The following DPYD variants were observed in gnomAD, a reference collection of about 807,000 sequenced individuals.
The protein encoded by DPYD is dihydropyrimidine dehydrogenase [NADP(+)].
Under a neutral mutation model 116.2 loss-of-function variants are expected in DPYD, and 109 were observed. The observed-to-expected ratio is 0.94, with a 90% CI of 0.80 to 1.10. The LOEUF is 1.10. Ranked by LOEUF, DPYD falls within the 50% of genes least tolerant of loss-of-function variation. DPYD has a pLI of 0.00. For missense variants in DPYD, 1,302 were observed against 1,254.5 expected, an observed-to-expected ratio of 1.04 and a Z score of -0.57; for synonymous variants, 440 against 432.0, an observed-to-expected ratio of 1.02 and a Z score of -0.23.
At chr1:97,897,093 T>G (rs1350835832) in intron 1 of DPYD, among the ~76,000 whole-genome samples, 1 of 151,932 alleles carries the variant, frequency 6.6e-6, no homozygotes, top group Non-Finnish European at 1.5e-5. Flanking sequence ...AATGCGGGTC[T>G]GCTGCTTATA....
intron 14 of DPYD, among the ~76,000 whole-genome samples, chr1:97,404,349 C>T (rs1673530326): frequency 6.6e-6 from 1 of 151,910 alleles, no homozygotes; most frequent in South Asian, 2.1e-4. Flanking sequence ...TACTGATTTT[C>T]TACCTGCTGG....
chr1:97,134,015 ATATATATAT>A (rs1197969268), intron 20 of DPYD, among the ~76,000 whole-genome samples: 258 of 18,976 alleles, frequency 0.014, 30 homozygotes, highest in East Asian at 0.026. Flanking sequence ...AAAAAAAAAA[ATATATATAT>A]ATATATATAT....
chr1:97,159,401 TA>T (rs892399865), intron 20 of DPYD, among the ~76,000 whole-genome samples: 25 of 151,928 alleles, frequency 1.6e-4, no homozygotes, highest in Non-Finnish European at 2.5e-4. Flanking sequence ...GAGAAACTAT[TA>T]AAAAAATTAA....
chr1:97,598,726 C>G (rs1655051502), intron 8 of DPYD, among the ~76,000 whole-genome samples: 1 of 151,978 alleles, frequency 6.6e-6, no homozygotes, highest in Non-Finnish European at 1.5e-5. Flanking sequence ...AATGCCTGGC[C>G]CCCAGGTGAT....
chr1:97,362,095 C>T (rs1375904926), intron 16 of DPYD, among the ~76,000 whole-genome samples: 1 of 152,226 alleles, frequency 6.6e-6, no homozygotes. Flanking sequence ...TGATAAGCAA[C>T]TTCAGCAAAG....
intron 13 of DPYD, among the ~76,000 whole-genome samples, chr1:97,484,070 C>G (rs149859471): frequency 6.6e-6 from 1 of 152,028 alleles, no homozygotes; most frequent in East Asian, 1.9e-4. Context: ...TTTGGGAGGA[C>G]GAGGTGGGCA....
chr1:97,675,159 T>C (rs1003644031), intron 8 of DPYD, among the ~76,000 whole-genome samples: 11 of 152,150 alleles, frequency 7.2e-5, no homozygotes, highest in Non-Finnish European at 1.5e-4. Context: ...TTTTATAAAA[T>C]AAAAAGGAAG....
At chr1:97,425,350 C>T (rs749805893) in intron 14 of DPYD, among the ~76,000 whole-genome samples, 36 of 151,844 alleles carry the variant, frequency 2.4e-4, no homozygotes, top group Non-Finnish European at 4.0e-4. Flanking sequence ...TTAAGCAAAT[C>T]GAGATATTTC....
In DPYD at chr1:97,780,084, C is replaced by A. The variant is rs141884614; in HGVS notation, c.234-39605G>T. 5.7e-3 allele frequency among the ~76,000 whole-genome samples: 873 copies of A among 152,222 alleles called. 22 individuals are homozygous for A. The highest frequency in any genetic ancestry group is 0.05 in the Admixed American group (757 of 15,292). The stretch of plus-strand genomic sequence containing the variant: ...TAATTACATTTAATGCAGTTGTGTT[C>A]TCCCACAAAAGCAATTTTTAAATCA... On this transcript the variant is annotated intron_variant, in intron 3 of 22. Coordinates refer to ENST00000370192, the MANE Select transcript of DPYD (RefSeq NM_000110.4).
At chr1:97,143,692 C>T (rs1654396076) in intron 20 of DPYD, among the ~76,000 whole-genome samples, 1 of 152,062 alleles carries the variant, frequency 6.6e-6, no homozygotes, top group African/African-American at 2.4e-5. Flanking sequence ...CAAGAAATTG[C>T]CATATTGCCA....
intron 4 of DPYD, among the ~76,000 whole-genome samples, chr1:97,735,620 G>A (rs917058698): frequency 6.6e-6 from 1 of 150,896 alleles, no homozygotes; most frequent in Non-Finnish European, 1.5e-5. Flanking sequence ...CCCGGGAGGC[G>A]GAGCTTGCAG....
chr1:97,796,918 A>C (rs192249887), intron 3 of DPYD: 1 of 152,236 alleles, frequency 6.6e-6, no homozygotes, highest in East Asian at 1.9e-4. Context: ...TGGCAGTAAA[A>C]TGGGCAGCAG....
intron 15 of DPYD, among the ~76,000 whole-genome samples, chr1:97,382,101 T>A (rs1002681951): frequency 1.3e-5 from 2 of 152,208 alleles, no homozygotes; most frequent in Admixed American, 1.3e-4. Context: ...CATCATAATA[T>A]ACAGTTTGCT....
intron 2 of DPYD, among the ~76,000 whole-genome samples, chr1:97,828,976 G>A (rs1343005355): frequency 4.6e-5 from 7 of 151,168 alleles, no homozygotes; most frequent in Non-Finnish European, 7.4e-5. Flanking sequence ...ATAATTATAC[G>A]TACTTAAAAC....
intron 2 of DPYD, among the ~76,000 whole-genome samples, chr1:97,853,701 T>C (rs1019527062): frequency 2.0e-5 from 3 of 152,186 alleles, no homozygotes; most frequent in Non-Finnish European, 4.4e-5. Flanking sequence ...TACTAGGAAG[T>C]AGACATGAAG....
intron 2 of DPYD, among the ~76,000 whole-genome samples, chr1:97,828,943 A>C (rs910234471): frequency 1.3e-5 from 2 of 151,930 alleles, no homozygotes; most frequent in Non-Finnish European, 2.9e-5. Context: ...GTACTTTAAA[A>C]AATTTTTACT....
intron 21 of DPYD, among the ~76,000 whole-genome samples, chr1:97,091,398 G>A (rs992801844): frequency 3.9e-5 from 6 of 152,130 alleles, no homozygotes; most frequent in Non-Finnish European, 8.8e-5. Context: ...CAAGAAAGAA[G>A]AAACACTCTA....
chr1:97,215,242 A>T (rs2101879828), intron 19 of DPYD, among the ~76,000 whole-genome samples: 1 of 152,312 alleles, frequency 6.6e-6, no homozygotes, highest in South Asian at 2.1e-4. Context: ...TAGTAAGCCC[A>T]AGGTCATATA....
At chr1:97,473,333 T>C (rs1203693191) in intron 13 of DPYD, among the ~76,000 whole-genome samples, 2 of 152,358 alleles carry the variant, frequency 1.3e-5, no homozygotes, top group East Asian at 3.9e-4. Flanking sequence ...CAGAATAATA[T>C]TCCATGTGTA....
Sources: allele counts gnomAD v4.1 joint callset (sites outside exome capture counted in the v4.1 genomes callset), GRCh38; gene constraint gnomAD v4.1.1; transcripts MANE v1.5; gene names NCBI Gene and HGNC (gene_info 2026-07-23, HGNC 2026-07-21).